Variants in HTR2C observed in about 807,000 individuals in gnomAD.
HTR2C encodes the protein 5-hydroxytryptamine receptor 2C, also known as 5-hydroxytryptamine (serotonin) receptor 2C, G protein-coupled.
Under a neutral mutation model 21.0 loss-of-function variants are expected in HTR2C, and 5 were observed. The ratio of observed to expected loss-of-function variants is 0.24; its 90% CI spans 0.12 to 0.50. HTR2C has a LOEUF of 0.50. Among genes scored for constraint, HTR2C ranks in the 20% least tolerant of loss-of-function variants. HTR2C has a pLI of 0.98. For missense variants in HTR2C, 271 were observed against 371.2 expected (o/e 0.73, Z 2.22); for synonymous variants, 150 against 145.3 (o/e 1.03, Z -0.23).
chrX:114,799,784 ATAATT>A (rs1273787407), intron 4 of HTR2C, among the ~76,000 whole-genome samples: 1 of 110,886 alleles, frequency 9.0e-6, no homozygotes, highest in Non-Finnish European at 1.9e-5. Flanking sequence ...TCATATAATT[ATAATT>A]TGTCTATTTG....
At chrX:114,734,246 AT>A (rs1556423962) in intron 4 of HTR2C, among the ~76,000 whole-genome samples, 1 of 111,622 alleles carries the variant, frequency 9.0e-6, no homozygotes, top group Non-Finnish European at 1.9e-5. Flanking sequence ...AAGAAGTAAA[AT>A]ATGTTAGAGT....
At chrX:114,654,153 T>A (rs1556408969) in intron 2 of HTR2C, among the ~76,000 whole-genome samples, 1 of 109,935 alleles carries the variant, frequency 9.1e-6, no homozygotes. Flanking sequence ...AAAATTGATT[T>A]ATGAAAATTA....
intron 4 of HTR2C, among the ~76,000 whole-genome samples, chrX:114,814,808 A>C (rs1436461293): frequency 9.9e-6 from 1 of 101,500 alleles, no homozygotes; most frequent in Non-Finnish European, 2.0e-5. Flanking sequence ...TATAGTATAT[A>C]TCATATAGTA....
chrX:114,686,460 A>T (rs1481560960), intron 2 of HTR2C, among the ~76,000 whole-genome samples: 1 of 111,260 alleles, frequency 9.0e-6, no homozygotes, highest in Non-Finnish European at 1.9e-5. Flanking sequence ...TGAAGGTCCA[A>T]TGTTAGAATG....
chrX:114,714,635 G>C (rs1932950484), intron 2 of HTR2C, among the ~76,000 whole-genome samples: 1 of 112,270 alleles, frequency 8.9e-6, no homozygotes, highest in South Asian at 3.6e-4. Context: ...TAACAAGTAA[G>C]ATTTAATTGT....
chrX:114,635,408 A>G (rs1281212921), intron 2 of HTR2C, among the ~76,000 whole-genome samples: 2 of 111,949 alleles, frequency 1.8e-5, no homozygotes, highest in African/African-American at 3.2e-5. Flanking sequence ...TATGGGGATG[A>G]AGACGAATAT....
At chrX:114,743,229 C>A (rs950985760) in intron 4 of HTR2C, among the ~76,000 whole-genome samples, 6 of 102,103 alleles carry the variant, frequency 5.9e-5, no homozygotes, top group Non-Finnish European at 2.0e-5. Flanking sequence ...ATTTATAGTC[C>A]TTTGGGTATA....
intron 5 of HTR2C, among the ~76,000 whole-genome samples, chrX:114,892,029 C>G (rs2071262257): frequency 9.0e-6 from 1 of 110,922 alleles, no homozygotes; most frequent in African/African-American, 3.3e-5. Flanking sequence ...GAGATTAAAC[C>G]CCCATCTGAT....
intron 2 of HTR2C, among the ~76,000 whole-genome samples, chrX:114,726,574 A>G (rs781952065): frequency 6.7e-4 from 75 of 112,414 alleles, no homozygotes; most frequent in African/African-American, 2.2e-3. Context: ...TTTTCAAAAC[A>G]TTGATTTGAA....
At chrX:114,792,031 C>T in intron 4 of HTR2C, among the ~76,000 whole-genome samples, 1 of 111,920 alleles carries the variant, frequency 8.9e-6, no homozygotes, top group Non-Finnish European at 1.9e-5. Context: ...TTTAGAAAGA[C>T]AAATTCTACT....
chrX:114,592,132 T>C (rs781833772), intron 1 of HTR2C, among the ~76,000 whole-genome samples: 5 of 111,940 alleles, frequency 4.5e-5, no homozygotes, highest in African/African-American at 1.3e-4. Flanking sequence ...AGGTTACAAA[T>C]ATAGAGTCAC....
chrX:114,696,985 T>C (rs965966359), intron 2 of HTR2C, among the ~76,000 whole-genome samples: 1 of 111,403 alleles, frequency 9.0e-6, no homozygotes, highest in Non-Finnish European at 1.9e-5. Context: ...TAAAGTTTTA[T>C]AGCTTTCTCC....
intron 4 of HTR2C, among the ~76,000 whole-genome samples, chrX:114,830,332 A>G (rs2070710542): frequency 9.0e-6 from 1 of 111,531 alleles, no homozygotes; most frequent in South Asian, 3.7e-4. Flanking sequence ...CAGTTTGAAG[A>G]TTTCGGGCCG....
chrX:114,702,628 G>A lies in HTR2C; in HGVS notation c.-79-24230G>A, dbSNP rs781949348. ...ATCATGCCAAATTCTAAAGACCATCGAGGCTAGGAAGAAACTGCATCAACT... is the reference window on the plus strand; with the variant it reads ...ATCATGCCAAATTCTAAAGACCATCAAGGCTAGGAAGAAACTGCATCAACT... On this transcript the variant is annotated intron_variant, in intron 2 of 5. Coordinates refer to ENST00000276198, the MANE Select transcript of HTR2C (RefSeq NM_000868.4). Among the ~76,000 whole-genome samples, 323 of 111,281 alleles carry A rather than the reference G, an allele frequency of 2.9e-3. 3 individuals carry two copies. The highest frequency in any genetic ancestry group is 9.8e-3 in the African/African-American group (299 of 30,664).
In HTR2C at chrX:114,632,410, G is replaced by A. The variant is rs369116943; in HGVS notation, c.-80+18529G>A. 4.5e-5 allele frequency among the ~76,000 whole-genome samples: 5 copies of A among 111,298 alleles called. No individual in the cohort carries two copies. In the East Asian group the frequency reaches 1.4e-3, roughly 31 times the overall value. On this transcript the variant is annotated intron_variant, in intron 2 of 5. Coordinates refer to ENST00000276198, the MANE Select transcript of HTR2C (RefSeq NM_000868.4). ...ATCATAAATCAGATCAGATCAGGTAGCAAAAGAATGTACACAATCTGCATT... is the reference window on the plus strand; with the variant it reads ...ATCATAAATCAGATCAGATCAGGTAACAAAAGAATGTACACAATCTGCATT...
chrX:114,610,479 G>A (rs1556398325), intron 1 of HTR2C, among the ~76,000 whole-genome samples: 1 of 111,980 alleles, frequency 8.9e-6, no homozygotes, highest in African/African-American at 3.2e-5. Flanking sequence ...GTTAAAGTCT[G>A]TCTTGAATAA....
chrX:114,848,517 G>A (rs1556468324), intron 5 of HTR2C, among the ~76,000 whole-genome samples: 1 of 111,285 alleles, frequency 9.0e-6, no homozygotes, highest in East Asian at 2.8e-4. Flanking sequence ...AAATGAGAAA[G>A]ACATAAAGTC....
intron 1 of HTR2C, among the ~76,000 whole-genome samples, chrX:114,600,604 T>C (rs1404720968): frequency 9.0e-6 from 1 of 111,108 alleles, no homozygotes; most frequent in African/African-American, 3.3e-5. Flanking sequence ...ATATTAAAAA[T>C]ATTTTAAAAT....
chrX:114,905,001 A>G (rs1368001690), intron 5 of HTR2C, among the ~76,000 whole-genome samples: 1 of 110,524 alleles, frequency 9.0e-6, no homozygotes, highest in East Asian at 2.8e-4. Flanking sequence ...TTGGTGAAAA[A>G]TCACTTTCTC....
Sources: gnomAD v4.1 joint callset for allele counts (sites outside exome capture counted in the v4.1 genomes callset) on GRCh38, gnomAD v4.1.1 for gene constraint, MANE v1.5 for transcripts, NCBI Gene and HGNC (gene_info 2026-07-23, HGNC 2026-07-21) for gene names.